MACROD2: variants seen among roughly 807,000 people sequenced by gnomAD.
The protein encoded by MACROD2 is mono-ADP ribosylhydrolase 2.
Under a neutral mutation model 70.4 loss-of-function variants are expected in MACROD2, and 36 were observed. That is an observed-to-expected ratio of 0.51 (90% confidence interval 0.39 to 0.68). The LOEUF is 0.68. MACROD2 is among the 30% of genes least tolerant of loss of function. The probability of loss-of-function intolerance (pLI) is 0.00; values close to 1 mark genes in which losing one functional copy is unlikely to be tolerated. For synonymous variants in MACROD2, 172 were observed against 178.8 expected (o/e 0.96, Z 0.30); for missense variants, 496 against 538.4 (o/e 0.92, Z 0.78).
intron 2 of MACROD2, among the ~76,000 whole-genome samples, chr20:14,013,466 G>T (rs1233831812): frequency 6.6e-6 from 1 of 151,476 alleles, no homozygotes; most frequent in East Asian, 2.0e-4. Context: ...TAGAGACGGG[G>T]TTTCACCGTG....
chr20:15,836,774 A>G (rs1046883917), intron 8 of MACROD2, among the ~76,000 whole-genome samples: 1 of 152,208 alleles, frequency 6.6e-6, no homozygotes, highest in African/African-American at 2.4e-5. Context: ...CTGCGCAGTA[A>G]GAATAGCAAT....
intron 5 of MACROD2, among the ~76,000 whole-genome samples, chr20:14,964,220 ATTAGGAT>A (rs1478959562): frequency 2.6e-5 from 4 of 152,134 alleles, no homozygotes; most frequent in East Asian, 1.9e-4. Flanking sequence ...AACTCTCTGA[ATTAGGAT>A]TTCAACCTCT....
intron 3 of MACROD2, among the ~76,000 whole-genome samples, chr20:14,357,791 A>G (rs774184535): frequency 2.6e-5 from 4 of 152,214 alleles, no homozygotes; most frequent in Non-Finnish European, 5.9e-5. Flanking sequence ...CAGGCACACA[A>G]TAAATTTTTG....
At chr20:15,100,670 A>G (rs6074840) in intron 5 of MACROD2, among the ~76,000 whole-genome samples, 78,199 of 151,944 alleles carry the variant, frequency 0.51, 20,995 homozygotes, top group African/African-American at 0.67. Flanking sequence ...GTGCCTTTGT[A>G]GTTGGATAAG....
chr20:14,272,421 A>C (rs1030076788), intron 3 of MACROD2, among the ~76,000 whole-genome samples: 5 of 151,896 alleles, frequency 3.3e-5, no homozygotes, highest in African/African-American at 9.7e-5. Flanking sequence ...GAGAAATAAA[A>C]TACTTTACAG....
intron 9 of MACROD2, among the ~76,000 whole-genome samples, chr20:15,868,897 G>C (rs1384648971): frequency 4.6e-5 from 7 of 151,696 alleles, no homozygotes; most frequent in African/African-American, 1.5e-4. Flanking sequence ...GGATCCTCCT[G>C]TTTCAACTTC....
intron 8 of MACROD2, among the ~76,000 whole-genome samples, chr20:15,766,017 C>T (rs1474361301): frequency 6.6e-6 from 1 of 152,162 alleles, no homozygotes; most frequent in Admixed American, 6.5e-5. Context: ...AAATATCACT[C>T]TTACTCCTCC....
In MACROD2 at chr20:16,049,834, G is replaced by A. The variant is rs2067434503; in HGVS notation, c.1305G>A (p.Gly435=). ...ESQQEDQLIA[G]AQDEAKEQRN... is the part of the protein sequence containing the mutation. The stretch of plus-strand genomic sequence containing the variant: ...ATGGCTTCTCTTTGTCTTCAGCAGG[G>A]GCACAAGATGAAGCGAAGGAACAAA... The change falls in exon 18 of 18, where the codon GGG becomes GGA. Residue 435 remains glycine (G), a synonymous_variant. Coordinates refer to ENST00000684519, the MANE Select transcript of MACROD2 (RefSeq NM_001351661.2). 2.5e-6 allele frequency: 4 copies of A among 1,612,502 alleles called. No individual in the cohort carries two copies. Among genetic ancestry groups the A allele is most frequent in the Non-Finnish European group, 3.4e-6 (4 of 1,179,208 alleles).
chr20:14,862,247 ATT>A (rs1439321725), intron 5 of MACROD2, among the ~76,000 whole-genome samples: 3 of 43,068 alleles, frequency 7.0e-5, no homozygotes, highest in African/African-American at 2.5e-4. Context: ...ATATTTATAT[ATT>A]AATATATATA....
intron 3 of MACROD2, among the ~76,000 whole-genome samples, chr20:14,413,215 A>G (rs1447859011): frequency 6.8e-6 from 1 of 147,308 alleles, no homozygotes; most frequent in African/African-American, 2.5e-5. Context: ...TTGTCTCCTT[A>G]AATATGTACG....
At chr20:14,024,934 T>G (rs1224870052) in intron 2 of MACROD2, among the ~76,000 whole-genome samples, 2 of 152,188 alleles carry the variant, frequency 1.3e-5, no homozygotes, top group Non-Finnish European at 2.9e-5. Context: ...TGGAATAGTT[T>G]CTGAAGGAAT....
chr20:15,742,669 A>C (rs541923653), intron 8 of MACROD2, among the ~76,000 whole-genome samples: 1 of 152,324 alleles, frequency 6.6e-6, no homozygotes, highest in East Asian at 1.9e-4. Flanking sequence ...TTGTGCTTTG[A>C]TACCTGCCTG....
At chr20:14,737,944 G>A (rs897200166) in intron 5 of MACROD2, among the ~76,000 whole-genome samples, 8 of 152,178 alleles carry the variant, frequency 5.3e-5, no homozygotes, top group African/African-American at 1.7e-4. Flanking sequence ...TAACAAAATA[G>A]CAATACATGC....
At chr20:15,744,154 A>G (rs1407847857) in intron 8 of MACROD2, among the ~76,000 whole-genome samples, 2 of 152,162 alleles carry the variant, frequency 1.3e-5, no homozygotes, top group African/African-American at 2.4e-5. Flanking sequence ...AAAAGGCTAG[A>G]TGAAATTAAA....
In MACROD2 at chr20:15,208,575, G is replaced by T. The variant is rs2076731771; in HGVS notation, c.419-21365G>T. 2.0e-5 allele frequency among the ~76,000 whole-genome samples: 3 copies of T among 152,162 alleles called. No homozygotes were observed. The South Asian group carries it at 6.2e-4, about 32-fold the overall frequency. On this transcript the variant is annotated intron_variant, in intron 5 of 17. Transcript: ENST00000684519. ...AAACTGTATCACACTCACAGGGAAAGGGGATTCTGCCTCATTACAACTGCC... is the reference window on the plus strand; with the variant it reads ...AAACTGTATCACACTCACAGGGAAATGGGATTCTGCCTCATTACAACTGCC...
chr20:14,960,857 A>C (rs2122766149), intron 5 of MACROD2, among the ~76,000 whole-genome samples: 1 of 152,242 alleles, frequency 6.6e-6, no homozygotes, highest in African/African-American at 2.4e-5. Context: ...AGATTGTCTG[A>C]AGACTAGAAA....
At chr20:15,773,439 A>G (rs1312939183) in intron 8 of MACROD2, among the ~76,000 whole-genome samples, 1 of 152,154 alleles carries the variant, frequency 6.6e-6, no homozygotes, top group Non-Finnish European at 1.5e-5. Flanking sequence ...TACTCTCTGA[A>G]TCATCTAGGA....
At chr20:15,314,913 G>T (rs1174057391) in intron 6 of MACROD2, among the ~76,000 whole-genome samples, 1 of 152,180 alleles carries the variant, frequency 6.6e-6, no homozygotes, top group Admixed American at 6.5e-5. Context: ...AGAAGACCTT[G>T]AGCTATCAAC....
chr20:15,918,791 G>A (rs1279987772), intron 10 of MACROD2, among the ~76,000 whole-genome samples: 1 of 152,220 alleles, frequency 6.6e-6, no homozygotes, highest in Non-Finnish European at 1.5e-5. Flanking sequence ...CCATCGGACT[G>A]TTTCTGTCTA....
Sources: gnomAD v4.1 joint callset for allele counts (sites outside exome capture counted in the v4.1 genomes callset) on GRCh38, gnomAD v4.1.1 for gene constraint, MANE v1.5 for transcripts, NCBI Gene and HGNC (gene_info 2026-07-23, HGNC 2026-07-21) for gene names.